Variants in OPCML observed in about 807,000 individuals in gnomAD.
OPCML encodes the protein opioid binding protein/cell adhesion molecule like.
A neutral mutation model predicts 37.8 loss-of-function variants in OPCML; 13 were observed. The ratio of observed to expected loss-of-function variants is 0.34; its 90% CI spans 0.22 to 0.55. The LOEUF is 0.55. Ranked by LOEUF, OPCML falls within the 20% of genes least tolerant of loss-of-function variation. The pLI, the probability that OPCML is intolerant of heterozygous loss-of-function variation, is 0.91. For missense variants in OPCML, 341 were observed against 435.6 expected (o/e 0.78, Z 1.93); for synonymous variants, 176 against 168.8 (o/e 1.04, Z -0.33).
At position 133,433,184 on chromosome 11, in the gene OPCML, G is replaced by A. The variant is rs376753241; in HGVS notation, c.61+99080C>T. Among the ~76,000 whole-genome samples, 647 of 148,166 alleles carry A rather than the reference G, an allele frequency of 4.4e-3. 6 individuals carry two copies. The highest frequency in any genetic ancestry group is 0.016 in the African/African-American group (600 of 38,458). On this transcript the variant is annotated intron_variant, in intron 1 of 7. Transcript: ENST00000524381. ...GGAGAATGGCGTGAACCCGGGAGGC[G>A]GAGCTTGCAGTGAGCCGAGATCCCG...
At chr11:132,572,231 T>C (rs775784745) in intron 3 of OPCML, among the ~76,000 whole-genome samples, 3 of 152,136 alleles carry the variant, frequency 2.0e-5, no homozygotes, top group Non-Finnish European at 4.4e-5. Context: ...TGCCTGTTTA[T>C]GTGATTGATA....
At chr11:133,478,913 A>G (rs1184883991) in intron 1 of OPCML, among the ~76,000 whole-genome samples, 1 of 152,152 alleles carries the variant, frequency 6.6e-6, no homozygotes, top group African/African-American at 2.4e-5. Context: ...TAAAGAAACA[A>G]GTCACGCCAT....
intron 3 of OPCML, among the ~76,000 whole-genome samples, chr11:132,550,344 C>T (rs1473782364): frequency 2.0e-5 from 3 of 152,102 alleles, no homozygotes; most frequent in African/African-American, 7.2e-5. Context: ...AATAGTTTAG[C>T]GCCATTCCCT....
At chr11:133,413,522 A>C (rs1403678779) in intron 1 of OPCML, among the ~76,000 whole-genome samples, 5 of 152,106 alleles carry the variant, frequency 3.3e-5, no homozygotes, top group East Asian at 3.9e-4. Flanking sequence ...AACAAACAAA[A>C]AAAAGAAATA....
intron 1 of OPCML, among the ~76,000 whole-genome samples, chr11:133,358,626 CTT>C (rs367723603): frequency 7.2e-5 from 11 of 152,296 alleles, no homozygotes; most frequent in African/African-American, 2.6e-4. Context: ...CAAATAAACT[CTT>C]TGTTCTCATG....
At chr11:132,716,103 C>T (rs2135963896) in intron 2 of OPCML, among the ~76,000 whole-genome samples, 1 of 152,302 alleles carries the variant, frequency 6.6e-6, no homozygotes, top group East Asian at 1.9e-4. Context: ...AGAAGGAGGG[C>T]TGCTCCAGAT....
At chr11:133,320,399 G>A (rs2136619058) in intron 1 of OPCML, among the ~76,000 whole-genome samples, 1 of 152,204 alleles carries the variant, frequency 6.6e-6, no homozygotes, top group Middle Eastern at 3.4e-3. Context: ...TCCTGCGTGA[G>A]GCCTTTCAGA....
chr11:132,763,366 T>C (rs2136103826), intron 2 of OPCML, among the ~76,000 whole-genome samples: 1 of 152,302 alleles, frequency 6.6e-6, no homozygotes, highest in East Asian at 1.9e-4. Flanking sequence ...TACATATTAA[T>C]ATATTACAGG....
intron 2 of OPCML, among the ~76,000 whole-genome samples, chr11:132,866,474 A>T (rs1034811175): frequency 6.6e-6 from 1 of 152,188 alleles, no homozygotes; most frequent in African/African-American, 2.4e-5. Flanking sequence ...GGTCATCTGG[A>T]AGTCTTGTTA....
chr11:133,278,529 ATC>A (rs1942054902), intron 1 of OPCML, among the ~76,000 whole-genome samples: 1 of 152,040 alleles, frequency 6.6e-6, no homozygotes, highest in South Asian at 2.1e-4. Context: ...TTATGAGGGA[ATC>A]TCTGCTTACT....
chr11:132,794,335 G>A (rs757206724), intron 2 of OPCML, among the ~76,000 whole-genome samples: 13 of 152,162 alleles, frequency 8.5e-5, no homozygotes, highest in South Asian at 4.1e-4. Context: ...TCTGCAGGGC[G>A]CAGGGCAAAA....
At chr11:133,018,324 T>C (rs569597884) in intron 1 of OPCML, among the ~76,000 whole-genome samples, 2 of 152,346 alleles carry the variant, frequency 1.3e-5, no homozygotes, top group South Asian at 2.1e-4. Flanking sequence ...TATATATGTA[T>C]GTATGTAGAT....
intron 1 of OPCML, among the ~76,000 whole-genome samples, chr11:133,092,857 A>AGC (rs780845819): frequency 4.6e-5 from 7 of 151,946 alleles, no homozygotes; most frequent in African/African-American, 7.3e-5. Flanking sequence ...AGAAAGAGAG[A>AGC]GAGAGAGAGA....
At chr11:133,309,507 C>G (rs906595435) in intron 1 of OPCML, among the ~76,000 whole-genome samples, 1 of 152,128 alleles carries the variant, frequency 6.6e-6, no homozygotes, top group African/African-American at 2.4e-5. Flanking sequence ...GAAGAAGACA[C>G]GACAACTAAA....
intron 4 of OPCML, among the ~76,000 whole-genome samples, chr11:132,489,252 C>T (rs612352): frequency 0.52 from 78,826 of 151,898 alleles, 20,835 homozygotes; most frequent in African/African-American, 0.56. Flanking sequence ...CATCCCGCCC[C>T]GCTGGGAGGT....
rs1386366132 is a variant in OPCML, at chr11:132,777,185, T to C, written c.147-119866A>G. ...ATGCAAAGATACTCACCAGCAACCA[T>C]GATTATTTGTGTTCTAAGAAAAAGA... On this transcript the variant is annotated intron_variant, in intron 2 of 7. Transcript: ENST00000524381. Among the ~76,000 whole-genome samples, 4 of 152,126 alleles carry C rather than the reference T, an allele frequency of 2.6e-5. No individual in the cohort carries two copies. The East Asian group carries it at 7.7e-4, about 29-fold the overall frequency.
chr11:132,670,965 C>T (rs1300041989), intron 2 of OPCML, among the ~76,000 whole-genome samples: 1 of 152,148 alleles, frequency 6.6e-6, no homozygotes, highest in Non-Finnish European at 1.5e-5. Flanking sequence ...GACTGTGCTG[C>T]CTCAAGTTTA....
chr11:132,656,557 G>T (rs1195661725), intron 3 of OPCML, among the ~76,000 whole-genome samples: 1 of 152,028 alleles, frequency 6.6e-6, no homozygotes, highest in East Asian at 1.9e-4. Context: ...CTTGGATCTG[G>T]ACTTCATTGT....
At chr11:132,500,124 C>A (rs1244175958) in intron 4 of OPCML, among the ~76,000 whole-genome samples, 1 of 152,164 alleles carries the variant, frequency 6.6e-6, no homozygotes, top group African/African-American at 2.4e-5. Flanking sequence ...GACTCTTTGG[C>A]ATCCTCAGGG....
Sources: gnomAD v4.1 joint callset for allele counts (sites outside exome capture counted in the v4.1 genomes callset) on GRCh38, gnomAD v4.1.1 for gene constraint, MANE v1.5 for transcripts, NCBI Gene and HGNC (gene_info 2026-07-23, HGNC 2026-07-21) for gene names.